The following GABRG3 variants were observed in gnomAD, a reference collection of about 807,000 sequenced individuals.
GABRG3 encodes gamma-aminobutyric acid type A receptor subunit gamma3, also known as gamma-aminobutyric acid receptor subunit gamma-3.
Under a neutral mutation model 48.8 loss-of-function variants are expected in GABRG3, and 25 were observed. That is an observed-to-expected ratio of 0.51 (90% CI 0.37 to 0.72). The LOEUF is 0.72. GABRG3 is among the 30% of genes least tolerant of loss of function. The pLI is 0.00. For missense variants in GABRG3, 394 were observed against 577.9 expected, an observed-to-expected ratio of 0.68 and a Z score of 3.26; for synonymous variants, 227 against 217.6, an observed-to-expected ratio of 1.04 and a Z score of -0.38.
intron 3 of GABRG3, among the ~76,000 whole-genome samples, chr15:27,274,641 A>T (rs1249567306): frequency 6.6e-6 from 1 of 152,124 alleles, no homozygotes; most frequent in Non-Finnish European, 1.5e-5. Context: ...GTTTTGGTGG[A>T]GACCAACAAA....
At chr15:27,454,932 G>T (rs377373379) in intron 5 of GABRG3, among the ~76,000 whole-genome samples, 1 of 152,232 alleles carries the variant, frequency 6.6e-6, no homozygotes, top group African/African-American at 2.4e-5. Context: ...CATGTTACAC[G>T]GTCATTATTC....
At chr15:27,493,105 A>T (rs1268171791) in intron 6 of GABRG3, among the ~76,000 whole-genome samples, 1 of 152,204 alleles carries the variant, frequency 6.6e-6, no homozygotes, top group African/African-American at 2.4e-5. Flanking sequence ...ATGATTTAAA[A>T]TTTTGCTTTA....
intron 4 of GABRG3, among the ~76,000 whole-genome samples, chr15:27,327,793 C>T (rs1424310144): frequency 6.6e-6 from 1 of 152,136 alleles, no homozygotes; most frequent in Non-Finnish European, 1.5e-5. Flanking sequence ...CTCTCACTGC[C>T]CCGGGGCACA....
In GABRG3 at chr15:27,532,305, C is replaced by T. The variant is rs555636075; in HGVS notation, c.1123-295C>T. ...TGCAAGGATTGAAAAGACCAGGGGT[C>T]TCCTCTCTCAGCTTTGGAGTCCCCC... is the stretch of plus-strand genomic sequence containing the variant. On this transcript the variant is annotated intron_variant, in intron 9 of 9. Coordinates refer to ENST00000615808, the MANE Select transcript of GABRG3 (RefSeq NM_033223.5). Among the ~76,000 whole-genome samples, 4 of 151,924 alleles carry T rather than the reference C, an allele frequency of 2.6e-5. No individual in the cohort carries two copies. In the East Asian group the frequency reaches 5.8e-4, roughly 22 times the overall value.
chr15:26,994,159 AG>A (rs1186083706), intron 2 of GABRG3, among the ~76,000 whole-genome samples: 4 of 151,834 alleles, frequency 2.6e-5, no homozygotes, highest in African/African-American at 7.3e-5. Context: ...CCATCCATTC[AG>A]CCCTCCATGT....
At chr15:27,341,034 C>T (rs751651020) in intron 5 of GABRG3, 1 of 487,728 alleles carries the variant, frequency 2.1e-6, no homozygotes, top group Non-Finnish European at 4.1e-6. Context: ...AATAAACAGA[C>T]TTCAGAGGCC....
intron 2 of GABRG3, among the ~76,000 whole-genome samples, chr15:26,991,332 GTAATT>G (rs944243616): frequency 2.0e-5 from 3 of 151,738 alleles, no homozygotes; most frequent in Non-Finnish European, 4.4e-5. Context: ...GCCTTGTAAT[GTAATT>G]TGAAGTCAGG....
chr15:27,508,852 C>T (rs769930924), intron 6 of GABRG3, among the ~76,000 whole-genome samples: 1 of 151,924 alleles, frequency 6.6e-6, no homozygotes, highest in South Asian at 2.1e-4. Flanking sequence ...TAGCTGGGAC[C>T]ACAGGCACCC....
intron 3 of GABRG3, among the ~76,000 whole-genome samples, chr15:27,156,075 G>A (rs559767031): frequency 6.6e-6 from 1 of 152,046 alleles, no homozygotes; most frequent in East Asian, 1.9e-4. Context: ...TGAGGCAGGC[G>A]GATCATGAGG....
At chr15:27,356,587 C>T (rs1894850441) in intron 5 of GABRG3, among the ~76,000 whole-genome samples, 1 of 152,150 alleles carries the variant, frequency 6.6e-6, no homozygotes, top group South Asian at 2.1e-4. Context: ...CTAGAGAATT[C>T]TGCTTCTTAG....
chr15:27,263,820 G>A (rs975212483), intron 3 of GABRG3, among the ~76,000 whole-genome samples: 19 of 151,972 alleles, frequency 1.3e-4, no homozygotes, highest in African/African-American at 3.9e-4. Flanking sequence ...CCGCTGCTCC[G>A]GAGGCTGAGG....
chr15:27,168,953 C>G (rs1182330189), intron 3 of GABRG3, among the ~76,000 whole-genome samples: 1 of 152,200 alleles, frequency 6.6e-6, no homozygotes, highest in Non-Finnish European at 1.5e-5. Flanking sequence ...CAGCCATGAC[C>G]TAATGTGTTT....
intron 3 of GABRG3, among the ~76,000 whole-genome samples, chr15:27,163,013 T>TG (rs1887247889): frequency 6.6e-6 from 1 of 151,900 alleles, no homozygotes; most frequent in Admixed American, 6.6e-5. Flanking sequence ...CCTGGGCTGG[T>TG]GGCCATCACT....
intron 3 of GABRG3, among the ~76,000 whole-genome samples, chr15:27,298,839 C>T (rs1193019913): frequency 6.6e-6 from 1 of 151,918 alleles, no homozygotes; most frequent in Non-Finnish European, 1.5e-5. Flanking sequence ...CGCCCCTAGC[C>T]CCCCACCCCC....
intron 2 of GABRG3, among the ~76,000 whole-genome samples, chr15:27,020,556 C>T (rs979953094): frequency 9.9e-5 from 15 of 150,876 alleles, no homozygotes; most frequent in African/African-American, 1.7e-4. Flanking sequence ...GGACTACAGG[C>T]GCCCGCCACC....
intron 3 of GABRG3, among the ~76,000 whole-genome samples, chr15:27,032,475 G>A (rs369193723): frequency 3.9e-5 from 6 of 152,190 alleles, no homozygotes; most frequent in African/African-American, 9.7e-5. Flanking sequence ...CTGTACAAGC[G>A]TGGCACCAGC....
intron 2 of GABRG3, among the ~76,000 whole-genome samples, chr15:26,986,958 C>T (rs192628984): frequency 3.3e-5 from 5 of 152,236 alleles, no homozygotes; most frequent in South Asian, 2.1e-4. Context: ...TGTCTCTAAA[C>T]GAAATAATTA....
intron 3 of GABRG3, among the ~76,000 whole-genome samples, chr15:27,071,627 G>A (rs1896828982): frequency 6.6e-6 from 1 of 152,214 alleles, no homozygotes; most frequent in Admixed American, 6.5e-5. Flanking sequence ...AAAGCACCTG[G>A]CGGCTCTCTC....
At chr15:27,032,447 G>T (rs917584761) in intron 3 of GABRG3, among the ~76,000 whole-genome samples, 3 of 152,166 alleles carry the variant, frequency 2.0e-5, no homozygotes, top group African/African-American at 7.2e-5. Context: ...AGGTTTATTT[G>T]GTTCACAGTT....
Sources: allele counts gnomAD v4.1 joint callset (sites outside exome capture counted in the v4.1 genomes callset), GRCh38; gene constraint gnomAD v4.1.1; transcripts MANE v1.5; gene names NCBI Gene and HGNC (gene_info 2026-07-23, HGNC 2026-07-21).